PCDHGA7: variants seen among roughly 807,000 people sequenced by gnomAD.
PCDHGA7 encodes protocadherin gamma-A7.
PCDHGA7 carries 44 observed loss-of-function variants against 58.3 expected under a neutral mutation model. The observed-to-expected ratio is 0.75, with a 90% CI of 0.59 to 0.97. The LOEUF is 0.97. Among genes scored for constraint, PCDHGA7 ranks in the 50% least tolerant of loss-of-function variants. The pLI is 0.00. For synonymous variants in PCDHGA7, 516 were observed against 504.2 expected (o/e 1.02, Z -0.31); for missense variants, 1,266 against 1,188.7 (o/e 1.06, Z -0.96).
chr5:141,431,505 C>T lies in PCDHGA7; in HGVS notation c.2424+46182C>T. 1.2e-6 allele frequency: 2 copies of T among 1,614,018 alleles called. No individual in the cohort carries two copies. The highest frequency in any genetic ancestry group is 1.7e-6 in the Non-Finnish European group (2 of 1,180,028). On this transcript the variant is annotated intron_variant, in intron 1 of 3. Coordinates refer to ENST00000518325, the MANE Select transcript of PCDHGA7 (RefSeq NM_018920.4). This position sits in a 1 kb window ranked among gnomAD's most constrained non-coding sequence, Gnocchi z 4.8. ...GCGTTTGCTCAGCCCGAGTACCGCG[C>T]GAGCGTTCCGGAGAATCTGGCCTTG...
In PCDHGA7 at chr5:141,400,299, A is replaced by G. The variant is rs374558900; in HGVS notation, c.2424+14976A>G. The G allele has an allele frequency of 9.8e-5, 158 of 1,613,834 alleles. 1 individual carries two copies. In the East Asian group the frequency reaches 1.2e-3, roughly 12 times the overall value. ...GCCCTGCCGCCTGGAGCTGCTTCCAACCTGGTCTCTGTGTCAAGTCTGGAC... is the reference window on the plus strand; with the variant it reads ...GCCCTGCCGCCTGGAGCTGCTTCCAGCCTGGTCTCTGTGTCAAGTCTGGAC... On this transcript the variant is annotated intron_variant, in intron 1 of 3. Coordinates refer to ENST00000518325, the MANE Select transcript of PCDHGA7 (RefSeq NM_018920.4).
chr5:141,473,975 G>T (rs188916402), intron 1 of PCDHGA7, among the ~76,000 whole-genome samples: 1 of 152,104 alleles, frequency 6.6e-6, no homozygotes, highest in Non-Finnish European at 1.5e-5. Flanking sequence ...AGTCTGAGGC[G>T]GGAGGATCCC....
At chr5:141,478,306 G>A (rs1316502939) in intron 1 of PCDHGA7, 2 of 1,614,056 alleles carry the variant, frequency 1.2e-6, no homozygotes, top group South Asian at 2.2e-5. Flanking sequence ...ACCGAGCCCC[G>A]GTGAGCTCAC....
Position 141,384,752 on chromosome 5 carries a change from C to A in PCDHGA7, c.1853C>A (p.Ala618Glu). The A allele has an allele frequency of 6.2e-7, 1 of 1,614,024 alleles. No homozygotes were observed. The highest frequency in any genetic ancestry group is 2.2e-5 in the East Asian group (1 of 44,874). ...LLKASEPGLF[A>E]VGLYTGEVRT... is the part of the protein sequence containing the mutation. ...AAGGCCAGCGAGCCAGGACTCTTTG[C>A]GGTTGGGCTGTACACGGGCGAGGTG... Residue 618 changes from alanine to glutamate, a missense_variant, in exon 1 of 4, where the codon GCG (alanine) becomes GAG (glutamate). By Grantham distance (107) the Ala-to-Glu change is moderately radical. Coordinates refer to ENST00000518325, the MANE Select transcript of PCDHGA7 (RefSeq NM_018920.4).
chr5:141,394,249 C>G (rs1055429829), intron 1 of PCDHGA7: 2 of 1,613,964 alleles, frequency 1.2e-6, no homozygotes, highest in South Asian at 2.2e-5. Context: ...GCACACGACC[C>G]CGACAGCCAG....
intron 1 of PCDHGA7, among the ~76,000 whole-genome samples, chr5:141,465,104 T>A (rs1044128193): frequency 1.3e-5 from 2 of 151,862 alleles, no homozygotes; most frequent in East Asian, 3.9e-4. Context: ...GTTTTTTTTT[T>A]AAGTGTTTTA....
In PCDHGA7 at chr5:141,476,868, C is replaced by G. The variant is rs1213404395; in HGVS notation, c.2425-17939C>G. On this transcript the variant is annotated intron_variant, in intron 1 of 3. Transcript: ENST00000518325. This position sits in a 1 kb window ranked among gnomAD's most constrained non-coding sequence, Gnocchi z 7.6. Reference sequence around the variant, plus strand: ...GTCTTCAACCAGTCCTTGTACCGGGCGCGCGTCCTGGAGGATGCACCCTCC... The same window carrying G: ...GTCTTCAACCAGTCCTTGTACCGGGGGCGCGTCCTGGAGGATGCACCCTCC... 2.5e-6 allele frequency: 4 copies of G among 1,613,874 alleles called. No homozygotes were observed. Among genetic ancestry groups the G allele is most frequent in the Non-Finnish European group, 3.4e-6 (4 of 1,180,050 alleles).
chr5:141,393,261 G>A lies in PCDHGA7; in HGVS notation c.2424+7938G>A, dbSNP rs567943150. 16 of 1,613,898 alleles carry A rather than the reference G, an allele frequency of 9.9e-6. 1 individual carries two copies. Among genetic ancestry groups the A allele is most frequent in the South Asian group, 1.1e-5 (1 of 91,090 alleles). ...AATTAACGAAATCGCGGTTCCTGGAGCACGTTATCCACTCCCAGAAGCTGT... is the reference window on the plus strand; with the variant it reads ...AATTAACGAAATCGCGGTTCCTGGAACACGTTATCCACTCCCAGAAGCTGT... On this transcript the variant is annotated intron_variant, in intron 1 of 3. Transcript: ENST00000518325.
chr5:141,483,903 G>C (rs1167942546), intron 1 of PCDHGA7, among the ~76,000 whole-genome samples: 1 of 151,282 alleles, frequency 6.6e-6, no homozygotes, highest in Admixed American at 6.6e-5. Context: ...GCTCTGGTGT[G>C]TTTCCCACTC....
At chr5:141,410,191 C>T in intron 1 of PCDHGA7, 1 of 1,613,994 alleles carries the variant, frequency 6.2e-7, no homozygotes, top group Non-Finnish European at 8.5e-7. Context: ...TTCATCTGGT[C>T]TTCGCAGACA....
intron 1 of PCDHGA7, chr5:141,478,026 C>G: frequency 6.2e-7 from 1 of 1,614,180 alleles, no homozygotes; most frequent in Non-Finnish European, 8.5e-7. Flanking sequence ...GTCCAAGACA[C>G]AGATTCACCC....
At chr5:141,453,521 T>A (rs1311886024) in intron 1 of PCDHGA7, among the ~76,000 whole-genome samples, 2 of 152,148 alleles carry the variant, frequency 1.3e-5, no homozygotes, top group Non-Finnish European at 2.9e-5. Flanking sequence ...TCCTCCCCTA[T>A]ACCTTCTGCC....
intron 1 of PCDHGA7, among the ~76,000 whole-genome samples, chr5:141,457,755 A>G (rs1011599369): frequency 2.0e-5 from 3 of 152,226 alleles, no homozygotes; most frequent in African/African-American, 4.8e-5. Flanking sequence ...GAGCCCAGAC[A>G]TGGGTTTGTA....
At chr5:141,415,189 A>G (rs575244490) in intron 1 of PCDHGA7, 2 of 1,613,958 alleles carry the variant, frequency 1.2e-6, no homozygotes, top group Non-Finnish European at 1.7e-6. Context: ...GGCCGACAGC[A>G]TCCCCCAAGT....
chr5:141,491,434 A>G lies in PCDHGA7; in HGVS notation c.2425-3373A>G, dbSNP rs1362196179. The G allele has an allele frequency of 6.2e-7, 1 of 1,614,032 alleles. No individual in the cohort carries two copies. ...GGACGGGGGTGGAGGGCAGTGCTGC[A>G]GGCGCCAGGACTCACCCTCCCCGGA... On this transcript the variant is annotated intron_variant, in intron 1 of 3. Coordinates refer to ENST00000518325, the MANE Select transcript of PCDHGA7 (RefSeq NM_018920.4). The surrounding 1 kb of genome is among the most constrained non-coding windows in gnomAD (Gnocchi z 6.9).
At chr5:141,387,911 C>G (rs2091149943) in intron 1 of PCDHGA7, 8 of 1,495,982 alleles carry the variant, frequency 5.3e-6, no homozygotes, top group Non-Finnish European at 7.1e-6. Flanking sequence ...GGGAGCTGGG[C>G]CGGGCTGAGA....
At chr5:141,449,723 GA>G (rs1432635918) in intron 1 of PCDHGA7, among the ~76,000 whole-genome samples, 2 of 150,880 alleles carry the variant, frequency 1.3e-5, no homozygotes, top group Admixed American at 6.6e-5. Flanking sequence ...TATATGATAT[GA>G]TTTTTTTATG....
At chr5:141,428,112 A>G (rs2097111373) in intron 1 of PCDHGA7, 1 of 1,607,642 alleles carries the variant, frequency 6.2e-7, no homozygotes, top group Non-Finnish European at 8.5e-7. Context: ...GCTGCAGGCC[A>G]TCGAGCCCGG....
chr5:141,421,054 A>C, intron 1 of PCDHGA7: 2 of 571,978 alleles, frequency 3.5e-6, no homozygotes, highest in Non-Finnish European at 6.0e-6. Context: ...CGCCTCTACC[A>C]CACAAAGCGG....
Sources: gnomAD v4.1 joint callset for allele counts (sites outside exome capture counted in the v4.1 genomes callset) on GRCh38, gnomAD v4.1.1 for gene constraint, Gnocchi (gnomAD v3.1) non-coding constraint, MANE v1.5 for transcripts, NCBI Gene and HGNC (gene_info 2026-07-23, HGNC 2026-07-21) for gene names.